The following MBNL2 variants were observed in gnomAD, a reference collection of about 807,000 sequenced individuals.
The protein encoded by MBNL2 is muscleblind like splicing regulator 2.
In MBNL2, 17 loss-of-function variants were observed where a neutral mutation model predicts 41.9. That is an observed-to-expected ratio of 0.41 (90% confidence interval 0.28 to 0.61). The LOEUF (loss-of-function observed/expected upper bound fraction) is 0.61, where lower values mean the gene tolerates loss of function less well. MBNL2 is among the 20% of genes least tolerant of loss of function. The probability of loss-of-function intolerance (pLI) is 0.35; values close to 1 mark genes in which losing one functional copy is unlikely to be tolerated. For missense variants in MBNL2, 336 were observed against 505.6 expected, an observed-to-expected ratio of 0.66 and a Z score of 3.22; for synonymous variants, 195 against 182.9, an observed-to-expected ratio of 1.07 and a Z score of -0.53.
chr13:97,300,345 C>CAG (rs998724786), intron 2 of MBNL2, among the ~76,000 whole-genome samples: 14 of 152,272 alleles, frequency 9.2e-5, no homozygotes, highest in African/African-American at 3.4e-4. Flanking sequence ...CCATATAGGG[C>CAG]AGCAGCATCC....
At chr13:97,348,634 C>A (rs3782983) in intron 5 of MBNL2, among the ~76,000 whole-genome samples, 90,678 of 152,000 alleles carry the variant, frequency 0.6, 29,852 homozygotes, top group African/African-American at 0.9. Flanking sequence ...AGAGCAATAA[C>A]ATGCTCCTCA....
chr13:97,205,739 T>C, the MBNL2 span, among the ~76,000 whole-genome samples: 3,945 of 152,298 alleles, frequency 0.026, 73 homozygotes, highest in Non-Finnish European at 0.039. Context: ...GATGATTTAA[T>C]AAAGCTCATT....
intron 5 of MBNL2, among the ~76,000 whole-genome samples, chr13:97,353,171 A>C (rs765450637): frequency 2.0e-5 from 3 of 152,200 alleles, no homozygotes; most frequent in Non-Finnish European, 2.9e-5. Context: ...CCAAATTTGG[A>C]GTTCTGATAA....
chr13:97,212,522 T>A, the MBNL2 span, among the ~76,000 whole-genome samples: 1 of 152,170 alleles, frequency 6.6e-6, no homozygotes, highest in South Asian at 2.1e-4. Context: ...GCCATATAAT[T>A]TTTCTATTAC....
At chr13:97,208,673 A>C in the MBNL2 span, among the ~76,000 whole-genome samples, 1 of 152,254 alleles carries the variant, frequency 6.6e-6, no homozygotes, top group African/African-American at 2.4e-5. Flanking sequence ...CCAGGGCAGA[A>C]ACACAAAGAT....
intron 8 of MBNL2, among the ~76,000 whole-genome samples, chr13:97,385,381 T>C (rs761283336): frequency 1.1e-4 from 17 of 152,222 alleles, no homozygotes; most frequent in Non-Finnish European, 1.2e-4. Context: ...TGTTATAAGG[T>C]ATTTTTTATC....
At chr13:97,361,406 A>G (rs1045752183) in intron 7 of MBNL2, among the ~76,000 whole-genome samples, 2 of 152,198 alleles carry the variant, frequency 1.3e-5, no homozygotes, top group African/African-American at 4.8e-5. Flanking sequence ...ATATGCAGAG[A>G]GTAGAGGATG....
upstream of MBNL2, among the ~76,000 whole-genome samples, chr13:97,217,388 A>G (rs1279906039): frequency 6.6e-6 from 1 of 152,214 alleles, no homozygotes; most frequent in Admixed American, 6.5e-5. Context: ...AGCGAGGTAC[A>G]TAAACAAGCA....
chr13:97,374,297 G>A (rs1437932582), intron 8 of MBNL2, among the ~76,000 whole-genome samples: 2 of 151,440 alleles, frequency 1.3e-5, no homozygotes, highest in African/African-American at 2.4e-5. Context: ...ACAGGCGCCC[G>A]CCACTACGCC....
chr13:97,336,416 G>C (rs972606634), intron 3 of MBNL2, among the ~76,000 whole-genome samples: 1 of 152,152 alleles, frequency 6.6e-6, no homozygotes, highest in Non-Finnish European at 1.5e-5. Flanking sequence ...GGAATCAGGG[G>C]CTTGACAGAT....
At chr13:97,177,367 C>A in the MBNL2 span, among the ~76,000 whole-genome samples, 2 of 152,006 alleles carry the variant, frequency 1.3e-5, no homozygotes, top group Non-Finnish European at 2.9e-5. Flanking sequence ...ATAAGAGAAG[C>A]TTTTGCAGCC....
intron 3 of MBNL2, among the ~76,000 whole-genome samples, chr13:97,335,831 T>G (rs990301481): frequency 2.6e-5 from 4 of 152,212 alleles, no homozygotes; most frequent in Non-Finnish European, 5.9e-5. Context: ...GGCATTTAAG[T>G]GGTTCTGTTT....
At chr13:97,329,252 C>T (rs2060167057) in intron 2 of MBNL2, among the ~76,000 whole-genome samples, 1 of 152,078 alleles carries the variant, frequency 6.6e-6, no homozygotes, top group African/African-American at 2.4e-5. Context: ...AGAAACTGCA[C>T]AAATCCAATG....
the MBNL2 span, among the ~76,000 whole-genome samples, chr13:97,164,073 C>G: frequency 1.3e-5 from 2 of 152,230 alleles, no homozygotes; most frequent in Non-Finnish European, 2.9e-5. Flanking sequence ...GCGGCACAAT[C>G]TTGGCTCACT....
At chr13:97,242,955 G>C (rs1405098252) in intron 1 of MBNL2, among the ~76,000 whole-genome samples, 1 of 152,192 alleles carries the variant, frequency 6.6e-6, no homozygotes, top group Non-Finnish European at 1.5e-5. Context: ...GCACGCGGCA[G>C]TCCCTCCCCT....
the MBNL2 span, among the ~76,000 whole-genome samples, chr13:97,197,578 C>T: frequency 1.3e-5 from 2 of 152,082 alleles, no homozygotes; most frequent in African/African-American, 4.8e-5. Context: ...TTTCTCTAGC[C>T]AGTTTTGCTC....
chr13:97,365,087 G>A (rs761931044), intron 7 of MBNL2, 49 bp from the exon 8 acceptor site: 31 of 1,275,454 alleles, frequency 2.4e-5, no homozygotes, highest in Non-Finnish European at 3.1e-5. Context: ...CCGCTAACCT[G>A]TTTCTTTCCC....
Position 97,380,543 on chromosome 13 carries a change from A to G in MBNL2, c.1049-10779A>G, listed in dbSNP as rs561955288. ...ACCACACCCACCTTGAGCCATGTAC[A>G]GTTCAGAATTGTGGGAATACAGCAA... is the stretch of plus-strand genomic sequence containing the variant. On this transcript the variant is annotated intron_variant, in intron 8 of 8. Coordinates refer to ENST00000679496, the MANE Select transcript of MBNL2 (RefSeq NM_001382683.1). Among the ~76,000 whole-genome samples the G allele has an allele frequency of 1.1e-3, 163 of 152,202 alleles. 1 individual carries two copies. The highest frequency in any genetic ancestry group is 3.9e-3 in the African/African-American group (160 of 41,534).
chr13:97,237,445 T>C (rs930799667), intron 1 of MBNL2, among the ~76,000 whole-genome samples: 2 of 152,342 alleles, frequency 1.3e-5, no homozygotes, highest in East Asian at 1.9e-4. Flanking sequence ...TCCCATTTCC[T>C]TTCCCCTCAT....
Sources: allele counts gnomAD v4.1 joint callset (sites outside exome capture counted in the v4.1 genomes callset), GRCh38; gene constraint gnomAD v4.1.1; transcripts MANE v1.5; gene names NCBI Gene and HGNC (gene_info 2026-07-23, HGNC 2026-07-21).